RAB11FIP4: variants seen among roughly 807,000 people sequenced by gnomAD.
The protein encoded by RAB11FIP4 is rab11 family-interacting protein 4.
A neutral mutation model predicts 74.3 loss-of-function variants in RAB11FIP4; 23 were observed. That is an observed-to-expected ratio of 0.31 (90% CI 0.22 to 0.44). RAB11FIP4 has a LOEUF of 0.44. Among genes scored for constraint, RAB11FIP4 ranks in the 20% least tolerant of loss-of-function variants. The probability of loss-of-function intolerance (pLI) is 1.00; values close to 1 mark genes in which losing one functional copy is unlikely to be tolerated. For synonymous variants in RAB11FIP4, 360 were observed against 359.9 expected (o/e 1.00, Z 0.00); for missense variants, 630 against 863.9 (o/e 0.73, Z 3.39).
chr17:31,454,642 G>A (rs1445720362), intron 3 of RAB11FIP4, among the ~76,000 whole-genome samples: 1 of 152,100 alleles, frequency 6.6e-6, no homozygotes, highest in African/African-American at 2.4e-5. Context: ...CCAGCACTTT[G>A]GGAGGCCGAG....
At chr17:31,466,797 A>G (rs1199230397) in intron 3 of RAB11FIP4, among the ~76,000 whole-genome samples, 1 of 152,194 alleles carries the variant, frequency 6.6e-6, no homozygotes, top group Non-Finnish European at 1.5e-5. Flanking sequence ...ATACAGAGCA[A>G]AGTTGAGCTT....
chr17:31,510,031 C>T (rs2072423404), intron 3 of RAB11FIP4, among the ~76,000 whole-genome samples: 1 of 152,198 alleles, frequency 6.6e-6, no homozygotes, highest in Admixed American at 6.5e-5. Flanking sequence ...GCAGCTGCAG[C>T]AGGAGTCCGT....
At chr17:31,487,699 C>T (rs949496697) in intron 3 of RAB11FIP4, among the ~76,000 whole-genome samples, 4 of 151,980 alleles carry the variant, frequency 2.6e-5, no homozygotes. Flanking sequence ...AGTGCGGTGA[C>T]AAAAAACCGT....
At chr17:31,445,378 T>C (rs1405324534) in intron 3 of RAB11FIP4, among the ~76,000 whole-genome samples, 3 of 151,558 alleles carry the variant, frequency 2.0e-5, no homozygotes, top group Non-Finnish European at 4.4e-5. Flanking sequence ...ATTTGAAAGT[T>C]AGTTGCGGAC....
rs142473745 is a variant in RAB11FIP4 at position 31,477,612 on chromosome 17, A to G, written c.337-40039A>G. Among the ~76,000 whole-genome samples the G allele has an allele frequency of 8.3e-3, 1,263 of 152,352 alleles. 20 individuals carry two copies. Among genetic ancestry groups the G allele is most frequent in the African/African-American group, 0.028 (1,150 of 41,586 alleles). ...CTTCCTTGGTCTCTGGGTGGCCAGC[A>G]CTAGGTCTGGCCTGCGGTTTCTGCT... is the stretch of plus-strand genomic sequence containing the variant. On this transcript the variant is annotated intron_variant, in intron 3 of 14. Transcript: ENST00000621161.
chr17:31,416,776 A>G (rs2071152061), intron 1 of RAB11FIP4, among the ~76,000 whole-genome samples: 1 of 152,118 alleles, frequency 6.6e-6, no homozygotes, highest in Non-Finnish European at 1.5e-5. Context: ...AACAGGGTCC[A>G]CTGCTGTAAG....
chr17:31,447,812 C>T (rs902744312), intron 3 of RAB11FIP4, among the ~76,000 whole-genome samples: 5 of 152,274 alleles, frequency 3.3e-5, no homozygotes, highest in East Asian at 1.9e-4. Flanking sequence ...CACAAGCCAC[C>T]GCGCCCAACT....
At chr17:31,438,804 G>A (rs1355145182) in intron 3 of RAB11FIP4, among the ~76,000 whole-genome samples, 1 of 152,050 alleles carries the variant, frequency 6.6e-6, no homozygotes, top group Non-Finnish European at 1.5e-5. Context: ...AGGAGCTAAC[G>A]TCTACTCACC....
chr17:31,451,433 T>C (rs1011536601), intron 3 of RAB11FIP4, among the ~76,000 whole-genome samples: 2 of 127,848 alleles, frequency 1.6e-5, no homozygotes, highest in Non-Finnish European at 3.1e-5. Flanking sequence ...CACTCCAGCC[T>C]GGGCAACAGA....
At chr17:31,526,588 G>A (rs2072770928) in intron 10 of RAB11FIP4, 1 of 152,264 alleles carries the variant, frequency 6.6e-6, no homozygotes, top group Non-Finnish European at 1.5e-5. Context: ...TGCCAGAAGT[G>A]ACCCTGTTCA....
At chr17:31,460,109 T>G (rs1597929525) in intron 3 of RAB11FIP4, among the ~76,000 whole-genome samples, 1 of 152,020 alleles carries the variant, frequency 6.6e-6, no homozygotes, top group Non-Finnish European at 1.5e-5. Flanking sequence ...TGGGATGGGG[T>G]GGGCACTTCA....
chr17:31,425,794 G>C (rs73988054), intron 1 of RAB11FIP4, among the ~76,000 whole-genome samples: 13,629 of 152,262 alleles, frequency 0.09, 996 homozygotes, highest in East Asian at 0.32. Context: ...TCCTGGCCTG[G>C]GAGCCAGAGG....
chr17:31,496,392 A>C (rs1244775954), intron 3 of RAB11FIP4, among the ~76,000 whole-genome samples: 1 of 152,150 alleles, frequency 6.6e-6, no homozygotes, highest in Non-Finnish European at 1.5e-5. Context: ...GGTATCATCT[A>C]AGGTCTGCCC....
At chr17:31,447,534 A>T (rs1475653432) in intron 3 of RAB11FIP4, among the ~76,000 whole-genome samples, 1 of 152,084 alleles carries the variant, frequency 6.6e-6, no homozygotes, top group Non-Finnish European at 1.5e-5. Flanking sequence ...TTATTTATTT[A>T]TTTTTTTGAG....
intron 1 of RAB11FIP4, among the ~76,000 whole-genome samples, chr17:31,406,895 T>C (rs2071046970): frequency 6.6e-6 from 1 of 152,168 alleles, no homozygotes; most frequent in South Asian, 2.1e-4. Context: ...ATCTGCTTTG[T>C]TTCTGATTAT....
At chr17:31,398,059 T>G (rs2070947322) in intron 1 of RAB11FIP4, among the ~76,000 whole-genome samples, 1 of 151,922 alleles carries the variant, frequency 6.6e-6, no homozygotes, top group South Asian at 2.1e-4. Flanking sequence ...TCAGACACTT[T>G]TTTTTTTTGA....
intron 3 of RAB11FIP4, among the ~76,000 whole-genome samples, chr17:31,462,780 G>A (rs1160582237): frequency 6.6e-6 from 1 of 152,136 alleles, no homozygotes; most frequent in Non-Finnish European, 1.5e-5. Context: ...GGGATTATAT[G>A]TGCGTGCCAC....
At chr17:31,432,245 C>G (rs144321307) in intron 2 of RAB11FIP4, among the ~76,000 whole-genome samples, 9 of 152,268 alleles carry the variant, frequency 5.9e-5, no homozygotes, top group African/African-American at 2.2e-4. Flanking sequence ...GGGAGGGACT[C>G]CACTTTTAAG....
intron 3 of RAB11FIP4, among the ~76,000 whole-genome samples, chr17:31,445,573 TATA>T (rs2071453002): frequency 9.5e-5 from 1 of 10,472 alleles, no homozygotes; most frequent in African/African-American, 4.1e-4. Context: ...TATATATATA[TATA>T]TATTTTTTTT....
Sources: gnomAD v4.1 joint callset for allele counts (sites outside exome capture counted in the v4.1 genomes callset) on GRCh38, gnomAD v4.1.1 for gene constraint, MANE v1.5 for transcripts, NCBI Gene and HGNC (gene_info 2026-07-23, HGNC 2026-07-21) for gene names.